Variants in MAN2A1 observed in about 807,000 individuals in gnomAD.
The protein encoded by MAN2A1 is mannosidase alpha class 2A member 1.
In MAN2A1, 76 loss-of-function variants were observed where a neutral mutation model predicts 142.6. The ratio of observed to expected loss-of-function variants is 0.53; its 90% confidence interval spans 0.44 to 0.65. The LOEUF is 0.65. MAN2A1 is among the 30% of genes least tolerant of loss of function. The probability of loss-of-function intolerance (pLI) is 0.00; values close to 1 mark genes in which losing one functional copy is unlikely to be tolerated. For synonymous variants in MAN2A1, 559 were observed against 473.2 expected (o/e 1.18, Z -2.35); for missense variants, 1,311 against 1,365.1 (o/e 0.96, Z 0.62).
intron 16 of MAN2A1, among the ~76,000 whole-genome samples, chr5:109,827,358 T>C (rs753085679): frequency 1.3e-5 from 2 of 152,250 alleles, no homozygotes; most frequent in Non-Finnish European, 2.9e-5. Flanking sequence ...AACTAACGCA[T>C]ACCTGACAAA....
At chr5:109,704,262 C>T (rs956000300) in intron 1 of MAN2A1, among the ~76,000 whole-genome samples, 2 of 152,160 alleles carry the variant, frequency 1.3e-5, no homozygotes, top group South Asian at 2.1e-4. Flanking sequence ...CATACCTAGG[C>T]AGGTGTGAGA....
At chr5:109,822,707 T>A (rs1754658637) in intron 15 of MAN2A1, among the ~76,000 whole-genome samples, 1 of 152,134 alleles carries the variant, frequency 6.6e-6, no homozygotes, top group South Asian at 2.1e-4. Context: ...AGACGGAGTC[T>A]TGCACTTTCA....
intron 1 of MAN2A1, among the ~76,000 whole-genome samples, chr5:109,692,401 A>G (rs1028050746): frequency 3.3e-5 from 5 of 152,166 alleles, no homozygotes; most frequent in Non-Finnish European, 7.3e-5. Flanking sequence ...TGCAGAAAGA[A>G]GGTATTCTTT....
chr5:109,860,222 G>A (rs1289100418), intron 20 of MAN2A1, among the ~76,000 whole-genome samples: 3 of 152,018 alleles, frequency 2.0e-5, no homozygotes, highest in Admixed American at 6.6e-5. Context: ...TTTGTTGTAC[G>A]TATCTCAGAA....
intron 2 of MAN2A1, among the ~76,000 whole-genome samples, chr5:109,714,177 C>CTTTTTTTTTTTTTTTTT (rs376535285): frequency 7.1e-6 from 1 of 140,626 alleles, no homozygotes. Flanking sequence ...TAAGGTTAGA[C>CTTTTTTTTTTTTTTTTT]TTTTTTTTTT....
intron 5 of MAN2A1, among the ~76,000 whole-genome samples, chr5:109,762,034 T>A (rs2112637573): frequency 6.6e-6 from 1 of 152,132 alleles, no homozygotes; most frequent in South Asian, 2.1e-4. Context: ...TAAGGAGAAA[T>A]CCTTCTGTAC....
At chr5:109,850,387 A>G (rs1316369607) in intron 19 of MAN2A1, among the ~76,000 whole-genome samples, 1 of 152,180 alleles carries the variant, frequency 6.6e-6, no homozygotes, top group Non-Finnish European at 1.5e-5. Context: ...TTTGGTAGAC[A>G]TTCTTTAAAC....
At chr5:109,857,788 G>A (rs775715892) in intron 20 of MAN2A1, among the ~76,000 whole-genome samples, 21 of 152,106 alleles carry the variant, frequency 1.4e-4, no homozygotes, top group Non-Finnish European at 2.5e-4. Context: ...GAGCATTCAG[G>A]TCCTCTGCAG....
intron 16 of MAN2A1, among the ~76,000 whole-genome samples, chr5:109,829,364 G>C (rs1386512390): frequency 6.6e-6 from 1 of 152,132 alleles, no homozygotes; most frequent in African/African-American, 2.4e-5. Flanking sequence ...TGGTGGAGAA[G>C]AACTCTGATG....
chr5:109,753,348 G>C (rs554142267), intron 4 of MAN2A1, among the ~76,000 whole-genome samples: 1 of 152,112 alleles, frequency 6.6e-6, no homozygotes, highest in Admixed American at 6.5e-5. Flanking sequence ...AGGTGGGACC[G>C]GTAGCCTTGA....
At chr5:109,754,075 A>G (rs1752617707) in intron 4 of MAN2A1, among the ~76,000 whole-genome samples, 1 of 151,608 alleles carries the variant, frequency 6.6e-6, no homozygotes, top group Admixed American at 6.6e-5. Flanking sequence ...CACCTGGCTA[A>G]CTTTTTAATT....
chr5:109,823,343 AT>A (rs2112730340), intron 15 of MAN2A1, among the ~76,000 whole-genome samples: 1 of 152,252 alleles, frequency 6.6e-6, no homozygotes, highest in Non-Finnish European at 1.5e-5. Context: ...AACCCTGAAC[AT>A]TAGGGGGCTG....
intron 7 of MAN2A1, among the ~76,000 whole-genome samples, chr5:109,774,509 A>G (rs1753229882): frequency 6.6e-6 from 1 of 152,142 alleles, no homozygotes; most frequent in African/African-American, 2.4e-5. Flanking sequence ...AAGTTGGTAC[A>G]TGACCATATT....
chr5:109,858,967 C>G (rs1161476097), intron 20 of MAN2A1, among the ~76,000 whole-genome samples: 2 of 152,128 alleles, frequency 1.3e-5, no homozygotes, highest in African/African-American at 4.8e-5. Flanking sequence ...GTGCCCGGAT[C>G]ACACAGGGGA....
intron 7 of MAN2A1, among the ~76,000 whole-genome samples, chr5:109,774,306 C>CT: frequency 6.6e-6 from 1 of 152,046 alleles, no homozygotes; most frequent in African/African-American, 2.4e-5. Flanking sequence ...TCAAAGTACA[C>CT]TTTTTTCTAT....
At chr5:109,754,244 G>T (rs1054913666) in intron 4 of MAN2A1, among the ~76,000 whole-genome samples, 14 of 151,784 alleles carry the variant, frequency 9.2e-5, no homozygotes, top group Non-Finnish European at 1.8e-4. Flanking sequence ...TGCTTCCTTG[G>T]GCACTATTTC....
At chr5:109,709,484 A>G (rs146242204) in intron 1 of MAN2A1, among the ~76,000 whole-genome samples, 2 of 152,342 alleles carry the variant, frequency 1.3e-5, no homozygotes, top group African/African-American at 4.8e-5. Context: ...CCAGGAAGGC[A>G]GGAGAAGATA....
intron 4 of MAN2A1, among the ~76,000 whole-genome samples, chr5:109,733,319 G>A (rs372546870): frequency 2.6e-5 from 4 of 152,104 alleles, no homozygotes; most frequent in African/African-American, 9.7e-5. Context: ...CAGGGACAAT[G>A]TGACTTCCTC....
chr5:109,860,333 C>A (rs766430304), intron 20 of MAN2A1, among the ~76,000 whole-genome samples: 4 of 152,180 alleles, frequency 2.6e-5, no homozygotes, highest in Non-Finnish European at 5.9e-5. Flanking sequence ...AAATGAATTT[C>A]TACTGGTTAT....
Sources: gnomAD v4.1 joint callset for allele counts (sites outside exome capture counted in the v4.1 genomes callset) on GRCh38, gnomAD v4.1.1 for gene constraint, MANE v1.5 for transcripts, NCBI Gene and HGNC (gene_info 2026-07-23, HGNC 2026-07-21) for gene names.